GON4L: variants seen among roughly 807,000 people sequenced by gnomAD.
GON4L encodes gon-4 like.
Under a neutral mutation model 211.8 loss-of-function variants are expected in GON4L, and 87 were observed. The observed-to-expected ratio is 0.41, with a 90% CI of 0.35 to 0.49. GON4L has a LOEUF of 0.49. Ranked by LOEUF, GON4L falls within the 20% of genes least tolerant of loss-of-function variation. The pLI is 0.15. For synonymous variants in GON4L, 875 were observed against 962.6 expected (o/e 0.91, Z 1.68); for missense variants, 2,155 against 2,659.5 (o/e 0.81, Z 4.17).
chr1:155,832,279 C>CAAAAA (rs71080731), intron 2 of GON4L, among the ~76,000 whole-genome samples: 20 of 57,326 alleles, frequency 3.5e-4, no homozygotes, highest in African/African-American at 6.3e-4. Flanking sequence ...GACTCCGTCT[C>CAAAAA]AAAAAAAAAA....
chr1:155,753,549 CAG>C, intron 28 of GON4L, 135 bp from the exon 29 acceptor site: 1 of 681,158 alleles, frequency 1.5e-6, no homozygotes, highest in South Asian at 1.8e-5. Flanking sequence ...ATTTTGTTGA[CAG>C]AGTTTCAACT....
chr1:155,849,729 G>A (rs925495413), intron 2 of GON4L, among the ~76,000 whole-genome samples: 16 of 129,686 alleles, frequency 1.2e-4, no homozygotes, highest in African/African-American at 4.0e-4. Flanking sequence ...AGTCAAGATC[G>A]CACCACTGCC....
At chr1:155,805,433 CAG>C (rs1337356730) in intron 10 of GON4L, among the ~76,000 whole-genome samples, 1 of 133,002 alleles carries the variant, frequency 7.5e-6, no homozygotes, top group Non-Finnish European at 1.6e-5. Flanking sequence ...CATATATTCA[CAG>C]AGTTATACAA....
Position 155,757,035 on chromosome 1 carries a change from C to G in GON4L, c.5440G>C (p.Glu1814Gln). 6.2e-7 allele frequency: 1 copy of G among 1,613,864 alleles called. No homozygotes were observed. The highest frequency in any genetic ancestry group is 8.5e-7 in the Non-Finnish European group (1 of 1,179,766). ...EEVALPDVEEEEEPPKIPTAS... is the reference protein window; with the variant it reads ...EEVALPDVEEQEEPPKIPTAS... ...GTGGGTATCTTGGGAGGCTCCTCCT[C>G]TTCTTCCACATCAGGCAGGGCCACT... The change falls in exon 27 of 32, where the codon GAG becomes CAG. Residue 1814 changes from glutamate (E) to glutamine (Q), a missense_variant. Around this residue, in one of 6 missense-constraint regions of GON4L, gnomAD observed 455 missense variants for 504.6 expected, o/e 0.90. Coordinates refer to ENST00000368331, the MANE Select transcript of GON4L (RefSeq NM_001282860.2).
At chr1:155,804,853 T>G (rs1370210083) in intron 11 of GON4L, 96 bp downstream of exon 11, 2 of 859,798 alleles carry the variant, frequency 2.3e-6, no homozygotes, top group Non-Finnish European at 2.0e-6. Flanking sequence ...TTAAATCAAT[T>G]AACCCAAACC....
chr1:155,780,887 A>G (rs1664352461), intron 14 of GON4L, among the ~76,000 whole-genome samples: 1 of 152,112 alleles, frequency 6.6e-6, no homozygotes, highest in Non-Finnish European at 1.5e-5. Context: ...TGTTTTCAAT[A>G]GTTAATTTTT....
chr1:155,811,545 C>G (rs1489956522), intron 10 of GON4L, among the ~76,000 whole-genome samples: 1 of 151,082 alleles, frequency 6.6e-6, no homozygotes, highest in Non-Finnish European at 1.5e-5. Flanking sequence ...CACTTGAGGT[C>G]AGGAGTTCGA....
intron 6 of GON4L, among the ~76,000 whole-genome samples, chr1:155,818,869 A>T (rs1668491861): frequency 6.6e-6 from 1 of 152,104 alleles, no homozygotes; most frequent in South Asian, 2.1e-4. Flanking sequence ...GTGGTGGTGC[A>T]TGCCTATAAT....
intron 12 of GON4L, among the ~76,000 whole-genome samples, chr1:155,787,097 A>ATT (rs11447826): frequency 6.6e-6 from 1 of 151,462 alleles, no homozygotes; most frequent in Non-Finnish European, 1.5e-5. Flanking sequence ...AATTTTTTGT[A>ATT]TTTTTTAGTA....
rs1278154234 is a variant in GON4L at position 155,815,816 on chromosome 1, T to C, written c.1150A>G (p.Thr384Ala). Residue 384 changes from threonine to alanine, a missense_variant, in exon 8 of 32, where the codon ACT (threonine) becomes GCT (alanine). Thr to Ala is a moderately conservative substitution (Grantham distance 58). Around this residue, in one of 6 missense-constraint regions of GON4L, gnomAD observed 551 missense variants for 854.0 expected, o/e 0.65. Transcript: ENST00000368331. The part of the protein sequence containing the change: ...YQPDDEEEDE[T>A]AEESLLESDV... Reference sequence around the variant, plus strand: ...TAACATTCACTGACCTCTTCAGCAGTTTCATCTTCTTCTTCATCATCCGGC... The same window carrying C: ...TAACATTCACTGACCTCTTCAGCAGCTTCATCTTCTTCTTCATCATCCGGC... 2 of 1,589,860 alleles carry C rather than the reference T, an allele frequency of 1.3e-6. No individual in the cohort carries two copies. Among genetic ancestry groups the C allele is most frequent in the African/African-American group, 2.7e-5 (2 of 74,448 alleles).
At chr1:155,809,325 C>T (rs1667461592) in intron 10 of GON4L, among the ~76,000 whole-genome samples, 2 of 151,994 alleles carry the variant, frequency 1.3e-5, no homozygotes, top group Admixed American at 1.3e-4. Context: ...TCTATCTCTC[C>T]TCAACAGACT....
intron 5 of GON4L, among the ~76,000 whole-genome samples, 161 bp downstream of exon 5, chr1:155,821,309 CAAAT>C (rs1356428302): frequency 3.3e-5 from 5 of 151,610 alleles, no homozygotes; most frequent in South Asian, 2.1e-4. Flanking sequence ...AATAAAATAA[CAAAT>C]AAAATAAGTA....
upstream of GON4L, among the ~76,000 whole-genome samples, chr1:155,857,856 A>G (rs1672412329): frequency 6.6e-6 from 1 of 152,176 alleles, no homozygotes; most frequent in Non-Finnish European, 1.5e-5. Context: ...CAGGCTCCTG[A>G]TTAAAACTAA....
rs1303178942 is a variant in GON4L, at chr1:155,807,701, C to A, written c.1453-2560G>T. ...TCTGGGTGACAGAGCCAGACTCCGT[C>A]TCAAAAAAAAAAAAAAAAAAAAAAG... On this transcript the variant is annotated intron_variant, in intron 10 of 31. Transcript: ENST00000368331. 5.2e-3 allele frequency among the ~76,000 whole-genome samples: 12 copies of A among 2,304 alleles called. No homozygotes were observed. The Admixed American group carries it at 0.11, about 22-fold the overall frequency. 1.5% of individuals were successfully genotyped at this position (2,304 alleles called of 152,430 possible).
At chr1:155,747,017 C>T (rs1253541839), downstream of GON4L, 17 of 1,598,052 alleles carry the variant, frequency 1.1e-5, no homozygotes, top group South Asian at 6.7e-5. Flanking sequence ...GACTGCGACT[C>T]GGTGAACAGA....
intron 27 of GON4L, chr1:155,756,587 TGATTC>T (rs2101650071): frequency 4.5e-6 from 1 of 220,164 alleles, no homozygotes. Context: ...ACGCAAGGCT[TGATTC>T]ATGAAACATA....
chr1:155,856,003 A>AG (rs1672245018), intron 1 of GON4L, among the ~76,000 whole-genome samples: 2 of 148,952 alleles, frequency 1.3e-5, no homozygotes, highest in Admixed American at 1.3e-4. Flanking sequence ...AAAAAAAAAA[A>AG]AAAAGGCATC....
chr1:155,788,928 A>T (rs1405698910), intron 12 of GON4L, among the ~76,000 whole-genome samples: 4 of 152,096 alleles, frequency 2.6e-5, no homozygotes, highest in Non-Finnish European at 5.9e-5. Context: ...GTCTCTACTA[A>T]AAATACAAAA....
At chr1:155,758,252 A>G (rs563768904) in intron 24 of GON4L, among the ~76,000 whole-genome samples, 1 of 152,232 alleles carries the variant, frequency 6.6e-6, no homozygotes, top group Admixed American at 6.5e-5. Flanking sequence ...AGATGTGAGC[A>G]ACAGCTTCAA....
Sources: gnomAD v4.1 joint callset for allele counts (sites outside exome capture counted in the v4.1 genomes callset) on GRCh38, gnomAD v4.1.1 for gene constraint, gnomAD v4.1.1 regional missense constraint, MANE v1.5 for transcripts, NCBI Gene and HGNC (gene_info 2026-07-23, HGNC 2026-07-21) for gene names.